DPP6: variants seen among roughly 807,000 people sequenced by gnomAD.
DPP6 encodes the protein dipeptidyl peptidase like 6.
DPP6 carries 69 observed loss-of-function variants against 122.6 expected under a neutral mutation model. The observed-to-expected ratio is 0.56, with a 90% CI of 0.46 to 0.69. The LOEUF (loss-of-function observed/expected upper bound fraction) is 0.69. Ranked by LOEUF, DPP6 falls within the 30% of genes least tolerant of loss-of-function variation. DPP6 has a pLI of 0.00. For missense variants in DPP6, 928 were observed against 1,116.9 expected (o/e 0.83, Z 2.41); for synonymous variants, 418 against 433.1 (o/e 0.97, Z 0.43).
chr7:153,986,329 C>T (rs1796848446), intron 1 of DPP6, among the ~76,000 whole-genome samples: 1 of 151,940 alleles, frequency 6.6e-6, no homozygotes, highest in Non-Finnish European at 1.5e-5. Flanking sequence ...AGCTATCTTT[C>T]TATTTTTTTT....
intron 1 of DPP6, among the ~76,000 whole-genome samples, chr7:154,124,649 C>A (rs1275210722): frequency 6.6e-6 from 1 of 152,206 alleles, no homozygotes. Flanking sequence ...GACTTGCAAA[C>A]AGAGTGGAAG....
At chr7:153,864,587 G>A in the DPP6 span, among the ~76,000 whole-genome samples, 1 of 151,364 alleles carries the variant, frequency 6.6e-6, no homozygotes, top group Non-Finnish European at 1.5e-5. Context: ...AACCCAGGAG[G>A]CAGAAGTGGC....
In DPP6 at chr7:154,444,183, C is replaced by T. The variant is rs529432568; in HGVS notation, c.244-2031C>T. Reference sequence around the variant, plus strand: ...ACAATATGAAAAAGGCTTGGCCAGGCGCGGTGGCTCACGCCTGTAATCCCA... The same window carrying T: ...ACAATATGAAAAAGGCTTGGCCAGGTGCGGTGGCTCACGCCTGTAATCCCA... On this transcript the variant is annotated intron_variant, in intron 1 of 25. Coordinates refer to ENST00000377770, the MANE Select transcript of DPP6 (RefSeq NM_130797.4). 7.9e-5 allele frequency among the ~76,000 whole-genome samples: 12 copies of T among 152,164 alleles called. No homozygotes were observed. The South Asian group carries it at 1.7e-3, about 21-fold the overall frequency.
chr7:154,335,061 A>G (rs1454005742), intron 1 of DPP6, among the ~76,000 whole-genome samples: 4 of 152,204 alleles, frequency 2.6e-5, no homozygotes, highest in Admixed American at 2.0e-4. Context: ...AGTTTTTTCA[A>G]TGCTTAAGCG....
intron 6 of DPP6, among the ~76,000 whole-genome samples, chr7:154,651,216 G>T (rs1240995368): frequency 6.6e-6 from 1 of 152,120 alleles, no homozygotes; most frequent in Non-Finnish European, 1.5e-5. Context: ...GATTTGAGGG[G>T]TCAGAGGGGA....
the DPP6 span, among the ~76,000 whole-genome samples, chr7:153,808,333 A>C: frequency 7.1e-6 from 1 of 141,016 alleles, no homozygotes; most frequent in African/African-American, 2.7e-5. Context: ...GTCTGTGTGC[A>C]TATGTGTTTG....
chr7:154,063,047 A>AC (rs1196390906), intron 1 of DPP6, among the ~76,000 whole-genome samples: 1 of 126,040 alleles, frequency 7.9e-6, no homozygotes, highest in African/African-American at 2.9e-5. Context: ...AGGGGGAGGC[A>AC]CCCCCCACGA....
chr7:154,633,180 A>G (rs1835512313), intron 5 of DPP6, among the ~76,000 whole-genome samples: 1 of 152,032 alleles, frequency 6.6e-6, no homozygotes, highest in Admixed American at 6.6e-5. Flanking sequence ...CAATCTTTGT[A>G]TTTTTTATGA....
chr7:154,523,407 C>A (rs2130000468), intron 3 of DPP6, among the ~76,000 whole-genome samples: 1 of 152,084 alleles, frequency 6.6e-6, no homozygotes, highest in Non-Finnish European at 1.5e-5. Context: ...CTCTCATTTT[C>A]TTTCATCCCT....
chr7:154,357,067 A>G (rs1811326887), intron 1 of DPP6, among the ~76,000 whole-genome samples: 1 of 152,224 alleles, frequency 6.6e-6, no homozygotes, highest in Non-Finnish European at 1.5e-5. Flanking sequence ...GATAAAATGA[A>G]ATTAAGCTAC....
chr7:154,753,202 C>A (rs772953420), intron 8 of DPP6, among the ~76,000 whole-genome samples: 20 of 152,118 alleles, frequency 1.3e-4, no homozygotes, highest in Non-Finnish European at 2.6e-4. Context: ...TGTCAGGTTG[C>A]AAAAGCTATG....
At chr7:154,319,077 A>C (rs1807691035) in intron 1 of DPP6, among the ~76,000 whole-genome samples, 1 of 151,618 alleles carries the variant, frequency 6.6e-6, no homozygotes, top group Non-Finnish European at 1.5e-5. Flanking sequence ...AGGGGAGAGT[A>C]ATGAAGTCTG....
At chr7:154,070,839 G>A (rs1803063952) in intron 1 of DPP6, among the ~76,000 whole-genome samples, 2 of 152,144 alleles carry the variant, frequency 1.3e-5, no homozygotes, top group African/African-American at 4.8e-5. Context: ...TCTGGAAATT[G>A]CCAGATGAAC....
chr7:154,304,904 G>T (rs922479258), intron 1 of DPP6, among the ~76,000 whole-genome samples: 25 of 152,178 alleles, frequency 1.6e-4, no homozygotes, highest in African/African-American at 5.8e-4. Flanking sequence ...CGCCCTGCGT[G>T]GGGGCCGCAG....
intron 1 of DPP6, among the ~76,000 whole-genome samples, chr7:154,200,893 G>A (rs904899506): frequency 1.3e-5 from 2 of 152,132 alleles, no homozygotes; most frequent in African/African-American, 4.8e-5. Flanking sequence ...TCTTCTGATG[G>A]TCCTCAATAT....
chr7:154,195,641 C>T (rs1420343881), intron 1 of DPP6, among the ~76,000 whole-genome samples: 1 of 152,220 alleles, frequency 6.6e-6, no homozygotes, highest in Admixed American at 6.5e-5. Context: ...GACCACATGA[C>T]CTCCATCCAG....
the DPP6 span, among the ~76,000 whole-genome samples, chr7:153,861,181 A>C: frequency 5.9e-5 from 9 of 152,250 alleles, no homozygotes; most frequent in African/African-American, 2.2e-4. Context: ...ATATAAATTT[A>C]AGGCAACGGG....
chr7:154,759,247 T>G (rs1795356375), intron 8 of DPP6, among the ~76,000 whole-genome samples: 2 of 152,160 alleles, frequency 1.3e-5, no homozygotes, highest in African/African-American at 2.4e-5. Context: ...TCCCCAGTCT[T>G]CACATGTTTG....
chr7:153,777,194 A>G, the DPP6 span, among the ~76,000 whole-genome samples: 3 of 152,228 alleles, frequency 2.0e-5, no homozygotes, highest in Non-Finnish European at 4.4e-5. Context: ...ATACCACTCT[A>G]TGAGTATTAT....
Sources: gnomAD v4.1 joint callset for allele counts (sites outside exome capture counted in the v4.1 genomes callset) on GRCh38, gnomAD v4.1.1 for gene constraint, MANE v1.5 for transcripts, NCBI Gene and HGNC (gene_info 2026-07-23, HGNC 2026-07-21) for gene names.